CA8: variants seen among roughly 807,000 people sequenced by gnomAD.
The protein encoded by CA8 is carbonic anhydrase 8 (inactive), also known as carbonic anhydrase-related protein.
A neutral mutation model predicts 41.4 loss-of-function variants in CA8; 22 were observed. The ratio of observed to expected loss-of-function variants is 0.53; its 90% CI spans 0.38 to 0.76. CA8 has a LOEUF of 0.76. CA8 is among the 30% of genes least tolerant of loss of function. CA8 has a pLI of 0.00. For synonymous variants in CA8, 121 were observed against 130.6 expected (o/e 0.93, Z 0.50); for missense variants, 270 against 352.8 (o/e 0.77, Z 1.88).
Position 60,189,121 on chromosome 8 carries a change from T to A in CA8, c.*900A>T, listed in dbSNP as rs923465439. 1 of 152,170 alleles carries A rather than the reference T, an allele frequency of 6.6e-6. No individual in the cohort carries two copies. Among genetic ancestry groups the A allele is most frequent in the Non-Finnish European group, 1.5e-5 (1 of 68,012 alleles). 9.4% of individuals were successfully genotyped at this position (152,170 alleles called of 1,614,324 possible). ...CCTAAAATAAGGATATTGTTGGTCA[T>A]CTTTAAAGAAATGTCTTAACATACC... is the stretch of plus-strand genomic sequence containing the variant. On this transcript the variant is annotated 3_prime_UTR_variant, in exon 9 of 9. Coordinates refer to ENST00000317995, the MANE Select transcript of CA8 (RefSeq NM_004056.6).
At position 60,213,886 on chromosome 8, in the gene CA8, C is replaced by T. The variant is rs553543166; in HGVS notation, c.739-4967G>A. On this transcript the variant is annotated intron_variant, in intron 7 of 8. Coordinates refer to ENST00000317995, the MANE Select transcript of CA8 (RefSeq NM_004056.6). ...CGCACCTTCAGGACCTCGGCATTCTCGGGTTATAGCGCTGATCTCAATTAC... is the reference window on the plus strand; with the variant it reads ...CGCACCTTCAGGACCTCGGCATTCTTGGGTTATAGCGCTGATCTCAATTAC... Among the ~76,000 whole-genome samples the T allele has an allele frequency of 2.5e-4, 38 of 152,104 alleles. 1 individual carries two copies. Among genetic ancestry groups the T allele is most frequent in the Admixed American group, 1.6e-3 (24 of 15,282 alleles).
At chr8:60,247,124 C>A (rs1197671996) in intron 3 of CA8, among the ~76,000 whole-genome samples, 1 of 152,116 alleles carries the variant, frequency 6.6e-6, no homozygotes, top group Middle Eastern at 3.2e-3. Context: ...ACCTCATGAT[C>A]CGCCCATCTC....
intron 7 of CA8, among the ~76,000 whole-genome samples, chr8:60,217,735 C>G (rs1239467497): frequency 6.6e-6 from 1 of 152,186 alleles, no homozygotes; most frequent in Non-Finnish European, 1.5e-5. Flanking sequence ...TGCCAGTCAA[C>G]CAAGCCAAAT....
chr8:60,276,216 C>T (rs1023915556), intron 2 of CA8, among the ~76,000 whole-genome samples: 1 of 152,124 alleles, frequency 6.6e-6, no homozygotes, highest in Non-Finnish European at 1.5e-5. Flanking sequence ...GGGACTTCCA[C>T]GGCATCCAGG....
intron 2 of CA8, among the ~76,000 whole-genome samples, chr8:60,273,670 A>C (rs1804140261): frequency 6.6e-6 from 1 of 152,278 alleles, no homozygotes; most frequent in Non-Finnish European, 1.5e-5. Context: ...AAGAAGTGTC[A>C]GGGAACTGTG....
chr8:60,249,328 C>T (rs1808360391), intron 3 of CA8, among the ~76,000 whole-genome samples: 1 of 152,154 alleles, frequency 6.6e-6, no homozygotes, highest in South Asian at 2.1e-4. Flanking sequence ...TGGCACCACC[C>T]TTCAGGAGTT....
At chr8:60,216,330 A>AT (rs147610379) in intron 7 of CA8, among the ~76,000 whole-genome samples, 55,707 of 151,924 alleles carry the variant, frequency 0.37, 10,644 homozygotes, top group Admixed American at 0.45. Context: ...TCTAAATTGC[A>AT]TTTTAATATA....
At chr8:60,202,166 C>T (rs1473812371) in intron 8 of CA8, among the ~76,000 whole-genome samples, 1 of 151,678 alleles carries the variant, frequency 6.6e-6, no homozygotes, top group Admixed American at 6.6e-5. Flanking sequence ...GCCTCAGCCT[C>T]CTGAGTAGCT....
chr8:60,226,813 G>T, intron 5 of CA8, 60 bp downstream of exon 5: 1 of 919,736 alleles, frequency 1.1e-6, no homozygotes, highest in Non-Finnish European at 1.8e-6. Context: ...GAGCCCGCAG[G>T]TGGTCACAGG....
At chr8:60,265,658 C>T in intron 3 of CA8, 1 of 410,666 alleles carries the variant, frequency 2.4e-6, no homozygotes, top group Non-Finnish European at 4.4e-6. Context: ...AGAATTTTTA[C>T]AAGAATAGTA....
chr8:60,250,024 T>C (rs1808392980), intron 3 of CA8, among the ~76,000 whole-genome samples: 1 of 152,196 alleles, frequency 6.6e-6, no homozygotes, highest in South Asian at 2.1e-4. Context: ...TTTGGTGAAG[T>C]ACTGCATGAT....
intron 3 of CA8, among the ~76,000 whole-genome samples, chr8:60,248,944 G>C (rs922041100): frequency 6.6e-6 from 1 of 152,042 alleles, no homozygotes; most frequent in Non-Finnish European, 1.5e-5. Flanking sequence ...CTTGAGCAGT[G>C]GTTTGTAGTT....
chr8:60,193,528 T>C (rs1275135956), intron 8 of CA8, among the ~76,000 whole-genome samples: 1 of 152,214 alleles, frequency 6.6e-6, no homozygotes, highest in Non-Finnish European at 1.5e-5. Flanking sequence ...TATCTATAAA[T>C]GACTACTGTA....
chr8:60,270,292 G>C (rs529173194), intron 2 of CA8, among the ~76,000 whole-genome samples: 1 of 152,214 alleles, frequency 6.6e-6, no homozygotes, highest in Non-Finnish European at 1.5e-5. Context: ...GAGGCCAGGA[G>C]ATGAAGCCTG....
rs56227154 is a variant in CA8, at chr8:60,238,324, C to T, written c.418-5945G>A. ...GTACCAAAGAATGAATCATGAGGAA[C>T]GGAAAAAGTAGTAAACACTGAAAAG... On this transcript the variant is annotated intron_variant, in intron 3 of 8. Transcript: ENST00000317995. 1.1e-4 allele frequency among the ~76,000 whole-genome samples: 16 copies of T among 152,024 alleles called. No homozygotes were observed. In the South Asian group the frequency reaches 1.2e-3, roughly 12 times the overall value.
chr8:60,225,622 C>G (rs1459176845), intron 5 of CA8, among the ~76,000 whole-genome samples: 1 of 152,216 alleles, frequency 6.6e-6, no homozygotes, highest in Non-Finnish European at 1.5e-5. Flanking sequence ...TCAGGATACC[C>G]TGGGCTGTGC....
At chr8:60,269,046 C>G (rs957227713) in intron 2 of CA8, among the ~76,000 whole-genome samples, 4 of 152,140 alleles carry the variant, frequency 2.6e-5, no homozygotes, top group Non-Finnish European at 5.9e-5. Flanking sequence ...ACACTAAAGT[C>G]ATATAGCCAT....
intron 8 of CA8, among the ~76,000 whole-genome samples, chr8:60,206,287 A>G (rs1412251680): frequency 6.6e-6 from 1 of 152,204 alleles, no homozygotes; most frequent in Non-Finnish European, 1.5e-5. Flanking sequence ...CATCTATCAT[A>G]TAAAGAATAT....
At chr8:60,202,934 T>A (rs1235020136) in intron 8 of CA8, among the ~76,000 whole-genome samples, 2 of 152,202 alleles carry the variant, frequency 1.3e-5, no homozygotes, top group Admixed American at 1.3e-4. Flanking sequence ...ATGAAGTATG[T>A]TACAAACTTG....
Sources: gnomAD v4.1 joint callset for allele counts (sites outside exome capture counted in the v4.1 genomes callset) on GRCh38, gnomAD v4.1.1 for gene constraint, MANE v1.5 for transcripts, NCBI Gene and HGNC (gene_info 2026-07-23, HGNC 2026-07-21) for gene names.